The following CDH13 variants were observed in gnomAD, a reference collection of about 807,000 sequenced individuals.
CDH13 encodes cadherin 13.
Under a neutral mutation model 63.8 loss-of-function variants are expected in CDH13, and 24 were observed. The observed-to-expected ratio is 0.38, with a 90% CI of 0.27 to 0.53. The LOEUF (loss-of-function observed/expected upper bound fraction) is 0.53, where lower values mean the gene tolerates loss of function less well. Among genes scored for constraint, CDH13 ranks in the 20% least tolerant of loss-of-function variants. The probability of loss-of-function intolerance (pLI) is 0.85; values close to 1 mark genes in which losing one functional copy is unlikely to be tolerated. For missense variants in CDH13, 1,049 were observed against 903.1 expected (o/e 1.16, Z -2.07); for synonymous variants, 503 against 355.3 (o/e 1.42, Z -4.67).
chr16:83,643,302 G>A (rs7500805), intron 8 of CDH13, among the ~76,000 whole-genome samples: 32,022 of 67,568 alleles, frequency 0.47, 7,369 homozygotes, highest in Admixed American at 0.51. Flanking sequence ...AAAAAAAAAA[G>A]AAAAAAAAAA....
chr16:83,090,704 G>A (rs2033863736), intron 3 of CDH13, among the ~76,000 whole-genome samples: 1 of 152,046 alleles, frequency 6.6e-6, no homozygotes, highest in Non-Finnish European at 1.5e-5. Flanking sequence ...CCGTCTGTCT[G>A]CTCCGACTGC....
chr16:83,027,713 ACC>A (rs1290209166), intron 2 of CDH13, among the ~76,000 whole-genome samples: 1 of 152,048 alleles, frequency 6.6e-6, no homozygotes, highest in African/African-American at 2.4e-5. Context: ...GGCCCCCAGT[ACC>A]CCACATTGCC....
rs1597213448 is a variant in CDH13, at chr16:83,775,232, T to C, written c.1682-4736T>C. Among the ~76,000 whole-genome samples, 4 of 151,944 alleles carry C rather than the reference T, an allele frequency of 2.6e-5. 1 individual carries two copies. In the East Asian group the frequency reaches 7.8e-4, roughly 30 times the overall value. ...AATGAATTGGCCTCAGATCTTCTGCTCTGATCTTGCACCAAGCCTGGGCTT... is the reference window on the plus strand; with the variant it reads ...AATGAATTGGCCTCAGATCTTCTGCCCTGATCTTGCACCAAGCCTGGGCTT... On this transcript the variant is annotated intron_variant, in intron 11 of 13. Transcript: ENST00000567109.
At chr16:82,675,992 A>G (rs758140336) in intron 1 of CDH13, among the ~76,000 whole-genome samples, 10 of 152,188 alleles carry the variant, frequency 6.6e-5, no homozygotes, top group African/African-American at 2.4e-4. Context: ...CTCAAACTCA[A>G]TTCCCTGTTT....
chr16:83,269,424 C>G (rs1323550456), intron 5 of CDH13, among the ~76,000 whole-genome samples: 1 of 151,936 alleles, frequency 6.6e-6, no homozygotes, highest in Non-Finnish European at 1.5e-5. Context: ...TAAACTATCC[C>G]ACATCATCTA....
intron 4 of CDH13, among the ~76,000 whole-genome samples, chr16:83,127,589 T>C (rs1304220363): frequency 6.6e-6 from 1 of 151,990 alleles, no homozygotes; most frequent in Non-Finnish European, 1.5e-5. Flanking sequence ...AATTAGCCAG[T>C]GTCATGGCAC....
intron 1 of CDH13, among the ~76,000 whole-genome samples, chr16:82,798,968 TAGGACCTGACAG>T (rs1292915176): frequency 2.6e-5 from 4 of 152,140 alleles, no homozygotes; most frequent in African/African-American, 9.7e-5. Flanking sequence ...CAGAGTTATT[TAGGACCTGACAG>T]AGGTAGGATT....
At chr16:82,766,885 A>ATTATAAAATTTTTTACACGTAC (rs1331193267) in intron 1 of CDH13, among the ~76,000 whole-genome samples, 1 of 152,128 alleles carries the variant, frequency 6.6e-6, no homozygotes. Context: ...ATAATGTTTC[A>ATTATAAAATTTTTTACACGTAC]TTATAAAATT....
chr16:83,557,272 C>A (rs544007578), intron 7 of CDH13, among the ~76,000 whole-genome samples: 1 of 152,264 alleles, frequency 6.6e-6, no homozygotes, highest in East Asian at 1.9e-4. Flanking sequence ...TCAGGACTCC[C>A]ACAGATTCCA....
At chr16:83,308,937 A>G (rs952122979) in intron 5 of CDH13, among the ~76,000 whole-genome samples, 2 of 152,208 alleles carry the variant, frequency 1.3e-5, no homozygotes, top group African/African-American at 2.4e-5. Context: ...TCACAAGAAC[A>G]TTCAGATGAA....
chr16:83,207,157 T>C (rs1047528142), intron 4 of CDH13, among the ~76,000 whole-genome samples: 6 of 152,220 alleles, frequency 3.9e-5, no homozygotes, highest in Non-Finnish European at 8.8e-5. Context: ...TACATCCACA[T>C]TATTGTGCAA....
chr16:82,632,738 A>G (rs1017645588), intron 1 of CDH13, among the ~76,000 whole-genome samples: 1 of 152,138 alleles, frequency 6.6e-6, no homozygotes, highest in Non-Finnish European at 1.5e-5. Context: ...ATTCAAGCAC[A>G]TTACATTTAT....
chr16:83,296,260 TTAAATTATA>T (rs2089594467), intron 5 of CDH13, among the ~76,000 whole-genome samples: 1 of 152,218 alleles, frequency 6.6e-6, no homozygotes, highest in African/African-American at 2.4e-5. Context: ...TCCCTGTGAT[TTAAATTATA>T]CTTTCATTTT....
Position 83,455,940 on chromosome 16 carries a change from G to T in CDH13, c.782-30537G>T, listed in dbSNP as rs190612016. Among the ~76,000 whole-genome samples, 708 of 152,328 alleles carry T rather than the reference G, an allele frequency of 4.6e-3. 4 individuals carry two copies. Among genetic ancestry groups the T allele is most frequent in the African/African-American group, 0.017 (688 of 41,576 alleles). On this transcript the variant is annotated intron_variant, in intron 6 of 13. Coordinates refer to ENST00000567109, the MANE Select transcript of CDH13 (RefSeq NM_001257.5). ...TTCCAATTAATTTCATCAACAGTGT[G>T]GAATAAGAGGCATGTTGCATCCTGT...
chr16:83,493,168 C>T (rs74329495), intron 7 of CDH13, among the ~76,000 whole-genome samples: 151 of 152,322 alleles, frequency 9.9e-4, no homozygotes, highest in African/African-American at 3.5e-3. Flanking sequence ...TAGCGTGATA[C>T]TTATCTATAA....
At chr16:82,758,212 C>G (rs915288198) in intron 1 of CDH13, among the ~76,000 whole-genome samples, 14 of 151,848 alleles carry the variant, frequency 9.2e-5, no homozygotes, top group African/African-American at 3.4e-4. Flanking sequence ...TAATTTGGTT[C>G]TTTGAGCTAT....
intron 8 of CDH13, among the ~76,000 whole-genome samples, chr16:83,614,702 A>G (rs1686114612): frequency 6.6e-6 from 1 of 152,218 alleles, no homozygotes; most frequent in South Asian, 2.1e-4. Flanking sequence ...CCCAATCATC[A>G]TAAAGAGAGA....
At chr16:83,660,387 G>A (rs767320029) in intron 8 of CDH13, among the ~76,000 whole-genome samples, 4 of 152,102 alleles carry the variant, frequency 2.6e-5, no homozygotes, top group Non-Finnish European at 4.4e-5. Flanking sequence ...TAGGTCCCTC[G>A]TGTGTGCAGT....
chr16:82,807,223 A>G (rs2037190518), intron 1 of CDH13, among the ~76,000 whole-genome samples: 1 of 152,202 alleles, frequency 6.6e-6, no homozygotes, highest in Non-Finnish European at 1.5e-5. Context: ...TTGTTAAGTA[A>G]CGTGCTATAA....
Sources: allele counts gnomAD v4.1 joint callset (sites outside exome capture counted in the v4.1 genomes callset), GRCh38; gene constraint gnomAD v4.1.1; transcripts MANE v1.5; gene names NCBI Gene and HGNC (gene_info 2026-07-23, HGNC 2026-07-21).